GREB1L: variants seen among roughly 807,000 people sequenced by gnomAD.
The protein encoded by GREB1L is GREB1-like protein.
A neutral mutation model predicts 200.8 loss-of-function variants in GREB1L; 17 were observed. The observed-to-expected ratio is 0.08, with a 90% CI of 0.06 to 0.13. The LOEUF (loss-of-function observed/expected upper bound fraction) is 0.13, where lower values mean the gene tolerates loss of function less well. Among genes scored for constraint, GREB1L ranks in the 10% least tolerant of loss-of-function variants. The pLI is 1.00. For missense variants in GREB1L, 1,657 were observed against 2,367.7 expected (o/e 0.70, Z 6.23); for synonymous variants, 789 against 893.0 (o/e 0.88, Z 2.08).
chr18:21,378,969 A>G (rs534075527), intron 2 of GREB1L, among the ~76,000 whole-genome samples: 2 of 151,938 alleles, frequency 1.3e-5, no homozygotes, highest in East Asian at 3.9e-4. Flanking sequence ...TCCTGAGCTC[A>G]AGTGATCCTC....
At chr18:21,403,215 A>G (rs1165134050) in intron 6 of GREB1L, among the ~76,000 whole-genome samples, 2 of 152,218 alleles carry the variant, frequency 1.3e-5, no homozygotes, top group South Asian at 2.1e-4. Context: ...AGTATTTACT[A>G]TCTACCTAAA....
chr18:21,323,248 A>G (rs1432267330), intron 1 of GREB1L, among the ~76,000 whole-genome samples: 3 of 152,104 alleles, frequency 2.0e-5, no homozygotes, highest in East Asian at 3.9e-4. Flanking sequence ...AGATTGCACC[A>G]TGTACCCCAG....
chr18:21,406,875 C>CT (rs369137235), intron 7 of GREB1L, among the ~76,000 whole-genome samples: 70,563 of 131,900 alleles, frequency 0.53, 21,048 homozygotes, highest in African/African-American at 0.81. Context: ...CATTTTCTTC[C>CT]TTTTTTTTTT....
chr18:21,276,434 A>G (rs1420237019), intron 1 of GREB1L, among the ~76,000 whole-genome samples: 1 of 152,168 alleles, frequency 6.6e-6, no homozygotes, highest in Non-Finnish European at 1.5e-5. Flanking sequence ...CTGGGCTGGG[A>G]ACGCTGCCCT....
In GREB1L at chr18:21,264,760, A is replaced by G. The variant is rs1165098775; in HGVS notation, c.-120+22367A>G. 8.0e-5 allele frequency among the ~76,000 whole-genome samples: 12 copies of G among 149,966 alleles called. No homozygotes were observed. In the East Asian group the frequency reaches 1.2e-3, roughly 15 times the overall value. On this transcript the variant is annotated intron_variant, in intron 1 of 32. Coordinates refer to ENST00000424526, the MANE Select transcript of GREB1L (RefSeq NM_001142966.3). ...CACTGAGGAATTATAGTCTCTACAG[A>G]GGCTTGGTTGCAGATGCCTGGAAAG...
rs777034722 is a variant in GREB1L at position 21,514,006 on chromosome 18, G to A, written c.4901+20G>A. On this transcript the variant is annotated intron_variant, in intron 28 of 32. Coordinates refer to ENST00000424526, the MANE Select transcript of GREB1L (RefSeq NM_001142966.3). ...ATCCAGGTAGACTTCCAAGCTGGGG[G>A]CGTATGACACAATGCTATAGACAGG... 5 of 1,549,014 alleles carry A rather than the reference G, an allele frequency of 3.2e-6. No individual in the cohort carries two copies. Among genetic ancestry groups the A allele is most frequent in the Admixed American group, 2.0e-5 (1 of 50,842 alleles).
chr18:21,340,582 G>T (rs1425656627), intron 1 of GREB1L, among the ~76,000 whole-genome samples: 2 of 148,296 alleles, frequency 1.3e-5, no homozygotes, highest in Non-Finnish European at 3.0e-5. Context: ...TTGCTCTGTC[G>T]CCCAGGCTGG....
At chr18:21,429,489 C>T (rs2032975594) in intron 7 of GREB1L, among the ~76,000 whole-genome samples, 1 of 151,534 alleles carries the variant, frequency 6.6e-6, no homozygotes, top group Admixed American at 6.6e-5. Flanking sequence ...ATTATAGGTG[C>T]AAACCATGGC....
chr18:21,271,969 A>AACT (rs1416134829), intron 1 of GREB1L, among the ~76,000 whole-genome samples: 2 of 152,144 alleles, frequency 1.3e-5, no homozygotes, highest in East Asian at 3.9e-4. Context: ...CCCCAAACAA[A>AACT]ACTGGAGTCC....
chr18:21,396,445 A>G (rs572677594), intron 5 of GREB1L, among the ~76,000 whole-genome samples: 1 of 152,368 alleles, frequency 6.6e-6, no homozygotes, highest in East Asian at 1.9e-4. Flanking sequence ...TTAATATTTT[A>G]TAAAGAAAAG....
intron 1 of GREB1L, among the ~76,000 whole-genome samples, chr18:21,312,487 C>G (rs2038806678): frequency 6.6e-6 from 1 of 151,702 alleles, no homozygotes; most frequent in Admixed American, 6.6e-5. Context: ...TCACTAGCAT[C>G]TGTTATTTTT....
chr18:21,442,391 C>T (rs1049296907), intron 10 of GREB1L, among the ~76,000 whole-genome samples: 3 of 152,214 alleles, frequency 2.0e-5, no homozygotes, highest in African/African-American at 7.2e-5. Context: ...GAGTCATGTC[C>T]TTTACCTGGT....
intron 32 of GREB1L, among the ~76,000 whole-genome samples, 154 bp downstream of exon 32, chr18:21,520,977 A>T (rs2037583432): frequency 6.6e-6 from 1 of 152,050 alleles, no homozygotes; most frequent in Non-Finnish European, 1.5e-5. Context: ...CGGGTGGATC[A>T]CGAGGTCAGG....
At chr18:21,520,039 C>T (rs144845136) in intron 31 of GREB1L, among the ~76,000 whole-genome samples, 67 of 152,002 alleles carry the variant, frequency 4.4e-4, no homozygotes, top group African/African-American at 1.5e-3. Context: ...AGGGTTCAAG[C>T]GATTCTCCTG....
At chr18:21,277,380 G>A (rs576067574) in intron 1 of GREB1L, among the ~76,000 whole-genome samples, 1 of 152,236 alleles carries the variant, frequency 6.6e-6, no homozygotes, top group Admixed American at 6.5e-5. Context: ...ATTCTTTGGC[G>A]CTTATGATAG....
chr18:21,526,025 T>TTAAC lies in GREB1L; in HGVS notation c.*3206_*3209dup, dbSNP rs1440371780. Reference sequence around the variant, plus strand: ...GCAGCTGCCTTGAAAAGACTATTAATTAACTGTGAAACTGACTGCTGCAAC... The same window carrying TTAAC: ...GCAGCTGCCTTGAAAAGACTATTAATTAACTAACTGTGAAACTGACTGCTGCAAC... On this transcript the variant is annotated 3_prime_UTR_variant, in exon 33 of 33. Transcript: ENST00000424526. Among the ~76,000 whole-genome samples the TTAAC allele has an allele frequency of 1.4e-4, 22 of 152,242 alleles. 1 individual carries two copies. Among genetic ancestry groups the TTAAC allele is most frequent in the African/African-American group, 4.8e-4 (20 of 41,556 alleles).
intron 1 of GREB1L, among the ~76,000 whole-genome samples, chr18:21,319,414 G>A (rs2144894219): frequency 6.6e-6 from 1 of 152,334 alleles, no homozygotes; most frequent in South Asian, 2.1e-4. Flanking sequence ...TTTCAAGTAT[G>A]TTGATAAATG....
intron 1 of GREB1L, among the ~76,000 whole-genome samples, chr18:21,250,178 G>T (rs1320146754): frequency 6.6e-6 from 1 of 152,048 alleles, no homozygotes; most frequent in African/African-American, 2.4e-5. Context: ...GGGAGCGAGT[G>T]GGGGATTAGG....
chr18:21,502,250 CAAA>C (rs1156864566), intron 23 of GREB1L, among the ~76,000 whole-genome samples: 3 of 95,334 alleles, frequency 3.1e-5, no homozygotes, highest in African/African-American at 3.9e-5. Flanking sequence ...GACTCTGTCT[CAAA>C]AAAAAAAAAA....
Sources: allele counts gnomAD v4.1 joint callset (sites outside exome capture counted in the v4.1 genomes callset), GRCh38; gene constraint gnomAD v4.1.1; transcripts MANE v1.5; gene names NCBI Gene and HGNC (gene_info 2026-07-23, HGNC 2026-07-21).